Variants in WDR75 observed in about 807,000 individuals in gnomAD.
The protein encoded by WDR75 is WD repeat-containing protein 75.
WDR75 carries 52 observed loss-of-function variants against 106.1 expected under a neutral mutation model. The observed-to-expected ratio is 0.49, with a 90% CI of 0.39 to 0.62. The LOEUF is 0.62. Ranked by LOEUF, WDR75 falls within the 20% of genes least tolerant of loss-of-function variation. The pLI is 0.00. For missense variants in WDR75, 905 were observed against 970.3 expected (o/e 0.93, Z 0.89); for synonymous variants, 333 against 335.5 (o/e 0.99, Z 0.08).
At chr2:189,442,439 A>ATTTTTTTTTTT (rs1553484498) in intron 1 of WDR75, among the ~76,000 whole-genome samples, 1 of 56,904 alleles carries the variant, frequency 1.8e-5, no homozygotes, top group African/African-American at 5.0e-5. Context: ...CCTCCACAAT[A>ATTTTTTTTTTT]TTCTTTTTTT....
chr2:189,462,630 C>T lies in WDR75; in HGVS notation c.925C>T (p.His309Tyr). ...TGCAGGAGATTTATTCTGCACTTCT[C>T]ACTCTGATAATAGTAAGTCTAAATT... ...SPAGDLFCTS[H>Y]SDNKIIIIHR... The change falls in exon 9 of 21, where the codon CAC becomes TAC. Residue 309 changes from histidine to tyrosine, a missense_variant. Transcript: ENST00000314761. The T allele has an allele frequency of 6.2e-7, 1 of 1,613,690 alleles. No homozygotes were observed. The highest frequency in any genetic ancestry group is 8.5e-7 in the Non-Finnish European group (1 of 1,179,778).
rs537195964 is a variant in WDR75 at position 189,461,500 on chromosome 2, CAT to C, written c.779-977_779-976del. ...GTTAGGATTTTTTTTCTGTGGTTCT[CAT>C]ATATATTTTTCACTAGACATTTGAT... On this transcript the variant is annotated intron_variant, in intron 8 of 20. Transcript: ENST00000314761. Among the ~76,000 whole-genome samples, 8 of 152,082 alleles carry C rather than the reference CAT, an allele frequency of 5.3e-5. No homozygotes were observed. In the South Asian group the frequency reaches 1.7e-3, roughly 32 times the overall value.
intron 1 of WDR75, among the ~76,000 whole-genome samples, chr2:189,447,215 A>G: frequency 6.6e-6 from 1 of 152,248 alleles, no homozygotes; most frequent in East Asian, 1.9e-4. Flanking sequence ...TACTTGGAAG[A>G]TACAAGAAGA....
chr2:189,450,525 C>G lies in WDR75; in HGVS notation c.217-378C>G, dbSNP rs141577694. The G allele has an allele frequency of 8.4e-6, 8 of 953,854 alleles. No individual in the cohort carries two copies. In the African/African-American group the frequency reaches 1.4e-4, roughly 17 times the overall value. The allele number at this position is 953,854 out of a possible 1,614,324, so 59.1% of individuals were successfully genotyped here. On this transcript the variant is annotated intron_variant, in intron 2 of 20. Coordinates refer to ENST00000314761, the MANE Select transcript of WDR75 (RefSeq NM_032168.3). The stretch of plus-strand genomic sequence containing the variant: ...TTTGTAGGGGTTTCGTCATGTTGGC[C>G]AGGCTGGTCTCGAACTCCTGGCCTC...
chr2:189,448,479 A>C lies in WDR75; in HGVS notation c.187A>C (p.Ile63Leu), dbSNP rs1383943900. ...TGGACACAGAAATCTGGTGACTGGA[A>C]TCCAGCTTAACCCCAACAACCATCT... ...LHGHRNLVTG[I>L]QLNPNNHLQL... is the part of the protein sequence containing the mutation. Residue 63 changes from isoleucine (I) to leucine (L), a missense_variant, in exon 2 of 21, where the codon ATC becomes CTC. Physicochemically the swap from Ile to Leu is conservative, Grantham distance 5. Transcript: ENST00000314761. 1.9e-6 allele frequency: 3 copies of C among 1,614,028 alleles called. No individual in the cohort carries two copies. The highest frequency in any genetic ancestry group is 2.7e-5 in the African/African-American group (2 of 75,052).
chr2:189,448,057 G>A lies in WDR75; in HGVS notation c.87-322G>A, dbSNP rs191439986. ...GAGCTCTCCTGCACAAGTTGTTTTT[G>A]CCTGCCACCATGTAAGACATGCCTT... On this transcript the variant is annotated intron_variant, in intron 1 of 20. Transcript: ENST00000314761. Among the ~76,000 whole-genome samples the A allele has an allele frequency of 4.6e-5, 7 of 152,292 alleles. No individual in the cohort carries two copies. The East Asian group carries it at 1.4e-3, about 29-fold the overall frequency.
chr2:189,465,087 T>C lies in WDR75; in HGVS notation c.1122T>C (p.Ile374=), dbSNP rs368140503. 7 of 1,589,014 alleles carry C rather than the reference T, an allele frequency of 4.4e-6. No homozygotes were observed. In the African/African-American group the frequency reaches 8.1e-5, roughly 18 times the overall value. Residue 374 remains isoleucine (I), a synonymous_variant, in exon 12 of 21, where the codon ATT becomes ATC. Coordinates refer to ENST00000314761, the MANE Select transcript of WDR75 (RefSeq NM_032168.3). ...QSDKQLYNLD[I]IQQEYINDYG... The stretch of plus-strand genomic sequence containing the variant: ...TTTTTTTTACTCATCAGTTAGATAT[T>C]ATACAGCAAGAATATATTAATGATT...
chr2:189,465,298 T>C (rs748452171), intron 12 of WDR75, 44 bp downstream of exon 12: 2 of 1,521,002 alleles, frequency 1.3e-6, no homozygotes, highest in South Asian at 1.3e-5. Context: ...GTATAAAATA[T>C]TTCACTTCCC....
chr2:189,442,762 C>T (rs1686409619), intron 1 of WDR75, among the ~76,000 whole-genome samples: 1 of 152,026 alleles, frequency 6.6e-6, no homozygotes, highest in Non-Finnish European at 1.5e-5. Flanking sequence ...CCACAATATT[C>T]TGCATATGAG....
chr2:189,475,138 C>A, intron 20 of WDR75, 75 bp from the exon 21 acceptor site: 1 of 1,102,448 alleles, frequency 9.1e-7, no homozygotes, highest in Non-Finnish European at 1.3e-6. Context: ...TATATTTCTA[C>A]ATAGGTGTCA....
intron 4 of WDR75, among the ~76,000 whole-genome samples, chr2:189,454,077 A>C (rs1231938512): frequency 1.3e-5 from 2 of 152,186 alleles, no homozygotes; most frequent in Admixed American, 6.5e-5. Flanking sequence ...AATATGATAC[A>C]GTAAGATGAA....
At chr2:189,450,048 A>G (rs1023320418) in intron 2 of WDR75, 1 of 984,056 alleles carries the variant, frequency 1.0e-6, no homozygotes, top group African/African-American at 1.7e-5. Flanking sequence ...CTACCAAAGT[A>G]TGGTCCACAG....
At chr2:189,463,328 A>G (rs112184795) in intron 9 of WDR75, among the ~76,000 whole-genome samples, 5,416 of 152,222 alleles carry the variant, frequency 0.036, 111 homozygotes, top group Admixed American at 0.05. Context: ...ATTTTCCACT[A>G]ACTCACAAAA....
At chr2:189,452,054 G>A (rs540674498) in intron 4 of WDR75, 159 bp downstream of exon 4, 3 of 575,218 alleles carry the variant, frequency 5.2e-6, no homozygotes, top group South Asian at 2.3e-5. Context: ...GAGATGGTTT[G>A]TATGAATTCT....
chr2:189,466,490 A>G lies in WDR75; in HGVS notation c.1355A>G (p.Asn452Ser). Residue 452 changes from asparagine to serine, a missense_variant, in exon 13 of 21, where the codon AAT (asparagine) becomes AGT (serine). Asn to Ser is a conservative substitution (Grantham distance 46, BLOSUM62 1). Transcript: ENST00000314761. ...TGCATTACAGCTCTCTGTTTCTGTA[A>G]TGCAGAAAAATCTGAACAGCCCACC... ...EDCITALCFC[N>S]AEKSEQPTLV... 1.2e-6 allele frequency: 2 copies of G among 1,613,432 alleles called. No individual in the cohort carries two copies. Among genetic ancestry groups the G allele is most frequent in the South Asian group, 2.2e-5 (2 of 91,062 alleles).
intron 6 of WDR75, 47 bp from the exon 7 acceptor site, chr2:189,458,706 T>C (rs1686794697): frequency 3.4e-6 from 5 of 1,468,172 alleles, no homozygotes; most frequent in Admixed American, 4.6e-5. Context: ...TCACCACTTA[T>C]CAAGAGACTT....
rs770279398 is a variant in WDR75 at position 189,450,949 on chromosome 2, T to C, written c.263T>C (p.Ile88Thr). 4 of 1,610,016 alleles carry C rather than the reference T, an allele frequency of 2.5e-6. No homozygotes were observed. Among genetic ancestry groups the C allele is most frequent in the Admixed American group, 3.4e-5 (2 of 58,878 alleles). Residue 88 changes from isoleucine to threonine, a missense_variant, in exon 3 of 21, where the codon ATA (isoleucine) becomes ACA (threonine). Ile to Thr is a moderately conservative substitution (Grantham distance 89). Coordinates refer to ENST00000314761, the MANE Select transcript of WDR75 (RefSeq NM_032168.3). ...GGCACAATTAAACTGTGGGACTATATAGATGGCATCTTAATAAAGGTATGT... is the reference window on the plus strand; with the variant it reads ...GGCACAATTAAACTGTGGGACTATACAGATGGCATCTTAATAAAGGTATGT... ...LDGTIKLWDYIDGILIKTFIV... is the reference protein window; with the variant it reads ...LDGTIKLWDYTDGILIKTFIV...
chr2:189,459,823 T>A (rs1404190291), intron 8 of WDR75, among the ~76,000 whole-genome samples: 1 of 152,222 alleles, frequency 6.6e-6, no homozygotes, highest in African/African-American at 2.4e-5. Flanking sequence ...ATACTCATTT[T>A]ACAGATAAAG....
At chr2:189,463,998 G>A (rs766246428) in intron 11 of WDR75, 37 bp downstream of exon 11, 5 of 1,554,944 alleles carry the variant, frequency 3.2e-6, no homozygotes, top group Non-Finnish European at 4.4e-6. Context: ...ATTAATGAAA[G>A]CTCTTTACAG....
Sources: gnomAD v4.1 joint callset for allele counts (sites outside exome capture counted in the v4.1 genomes callset) on GRCh38, gnomAD v4.1.1 for gene constraint, MANE v1.5 for transcripts, NCBI Gene and HGNC (gene_info 2026-07-23, HGNC 2026-07-21) for gene names.